The following PCED1B variants were observed in gnomAD, a reference collection of about 807,000 sequenced individuals.
PCED1B encodes PC-esterase domain-containing protein 1B.
For missense variants in PCED1B, 573 were observed against 573.9 expected (o/e 1.00, Z 0.02); for synonymous variants, 251 against 246.1 (o/e 1.02, Z -0.19).
intron 2 of PCED1B, among the ~76,000 whole-genome samples, chr12:47,172,135 T>G (rs1323281176): frequency 6.6e-6 from 1 of 152,146 alleles, no homozygotes; most frequent in East Asian, 1.9e-4. Flanking sequence ...TGCTCTTATG[T>G]TTTTCTGATA....
intron 2 of PCED1B, among the ~76,000 whole-genome samples, chr12:47,185,672 C>T (rs762486769): frequency 6.6e-6 from 1 of 151,616 alleles, no homozygotes; most frequent in Non-Finnish European, 1.5e-5. Context: ...ACCTGTAATC[C>T]CAACTATGCA....
At chr12:47,161,228 T>C (rs1051817173) in intron 2 of PCED1B, among the ~76,000 whole-genome samples, 1 of 152,212 alleles carries the variant, frequency 6.6e-6, no homozygotes. Context: ...TTTAGTTAAT[T>C]TTTATATATG....
intron 2 of PCED1B, among the ~76,000 whole-genome samples, chr12:47,105,380 C>T (rs1053859255): frequency 8.6e-5 from 13 of 151,902 alleles, no homozygotes; most frequent in Non-Finnish European, 1.2e-4. Flanking sequence ...CAGACCAGTG[C>T]GGAAAGAAAG....
At chr12:47,149,355 C>G (rs916615671) in intron 2 of PCED1B, among the ~76,000 whole-genome samples, 14 of 152,228 alleles carry the variant, frequency 9.2e-5, no homozygotes, top group Admixed American at 1.3e-4. Context: ...TCCATTCTCT[C>G]TCCCTTCGTC....
At chr12:47,103,368 A>G (rs1294717742) in intron 1 of PCED1B, among the ~76,000 whole-genome samples, 1 of 152,216 alleles carries the variant, frequency 6.6e-6, no homozygotes, top group African/African-American at 2.4e-5. Context: ...CCCTGTGCTC[A>G]TTAAATGTTA....
At chr12:47,128,872 A>G (rs1940004244) in intron 2 of PCED1B, among the ~76,000 whole-genome samples, 1 of 152,230 alleles carries the variant, frequency 6.6e-6, no homozygotes, top group Non-Finnish European at 1.5e-5. Context: ...ACAGAAAACA[A>G]CAGGGAATGC....
chr12:47,153,667 C>T (rs533176917), intron 2 of PCED1B, among the ~76,000 whole-genome samples: 88 of 152,242 alleles, frequency 5.8e-4, no homozygotes, highest in Non-Finnish European at 9.3e-4. Context: ...AACTTTGAAC[C>T]TTTGCATTGC....
chr12:47,110,838 A>C (rs1036066739), intron 2 of PCED1B, among the ~76,000 whole-genome samples: 2 of 152,204 alleles, frequency 1.3e-5, no homozygotes, highest in Admixed American at 1.3e-4. Context: ...ACAAACACAC[A>C]CAAAGCTTGG....
intron 2 of PCED1B, among the ~76,000 whole-genome samples, chr12:47,190,277 T>G (rs905458472): frequency 6.6e-6 from 1 of 152,210 alleles, no homozygotes; most frequent in African/African-American, 2.4e-5. Flanking sequence ...TGGGAGCAAG[T>G]GAAAGCCTGC....
intron 2 of PCED1B, chr12:47,209,825 A>G (rs1428049147): frequency 6.6e-6 from 1 of 152,244 alleles, no homozygotes; most frequent in African/African-American, 2.4e-5. Flanking sequence ...GTAAAATTAT[A>G]AGATCTGAGT....
intron 1 of PCED1B, among the ~76,000 whole-genome samples, chr12:47,083,129 G>C (rs186262260): frequency 1.3e-5 from 2 of 151,524 alleles, no homozygotes; most frequent in Admixed American, 1.3e-4. Flanking sequence ...AATTTCTCAG[G>C]TTGTAATCAA....
intron 2 of PCED1B, among the ~76,000 whole-genome samples, chr12:47,215,085 A>G (rs971017558): frequency 5.3e-5 from 8 of 151,756 alleles, no homozygotes; most frequent in African/African-American, 1.9e-4. Flanking sequence ...GACCTTCTGT[A>G]GTCATGCATT....
At chr12:47,120,128 A>G (rs534780858) in intron 2 of PCED1B, among the ~76,000 whole-genome samples, 5 of 152,336 alleles carry the variant, frequency 3.3e-5, no homozygotes, top group African/African-American at 1.2e-4. Flanking sequence ...AATGAAAGCT[A>G]CAATGAGATA....
At chr12:47,083,323 A>G (rs1453677056) in intron 1 of PCED1B, among the ~76,000 whole-genome samples, 3 of 151,952 alleles carry the variant, frequency 2.0e-5, no homozygotes, top group African/African-American at 7.3e-5. Flanking sequence ...ACACTGGCAG[A>G]TATCTTGTTG....
At position 47,192,173 on chromosome 12, in the gene PCED1B, G is replaced by GA. The variant is rs1942463792; in HGVS notation, c.-525-24049_-525-24048insA. Reference sequence around the variant, plus strand: ...AATGGAGGCTACGCTTTTTTTTTTTGTTTTTTTTTTTTTGCCTCTTTCCAT... The same window carrying GA: ...AATGGAGGCTACGCTTTTTTTTTTTGATTTTTTTTTTTTTGCCTCTTTCCAT... On this transcript the variant is annotated intron_variant, in intron 2 of 3. Coordinates refer to ENST00000546455, the MANE Select transcript of PCED1B (RefSeq NM_138371.3). 9.6e-5 allele frequency among the ~76,000 whole-genome samples: 12 copies of GA among 124,948 alleles called. 1 individual carries two copies. The highest frequency in any genetic ancestry group is 5.6e-4 in the Admixed American group (7 of 12,490). The allele number at this position is 124,948 out of a possible 152,430, so 82.0% of individuals were successfully genotyped here. A position where few individuals can be genotyped will look rare whatever the true frequency, so the allele number is the denominator to read the frequency against.
chr12:47,184,067 G>T (rs895884670), intron 2 of PCED1B, among the ~76,000 whole-genome samples: 2 of 152,120 alleles, frequency 1.3e-5, no homozygotes, highest in Admixed American at 1.3e-4. Context: ...TGTAGAGAAA[G>T]GGTCTCCCTA....
At chr12:47,128,700 T>C (rs75916772) in intron 2 of PCED1B, among the ~76,000 whole-genome samples, 4,541 of 152,312 alleles carry the variant, frequency 0.03, 181 homozygotes, top group African/African-American at 0.087. Context: ...AGGATGCAGG[T>C]GTGGTAACTG....
At chr12:47,161,473 T>C (rs1409248224) in intron 2 of PCED1B, among the ~76,000 whole-genome samples, 1 of 152,218 alleles carries the variant, frequency 6.6e-6, no homozygotes, top group East Asian at 1.9e-4. Context: ...TTGATTACTA[T>C]AACTGTATAG....
chr12:47,128,627 C>G (rs1172902666), intron 2 of PCED1B, among the ~76,000 whole-genome samples: 1 of 152,138 alleles, frequency 6.6e-6, no homozygotes, highest in African/African-American at 2.4e-5. Context: ...AAAAAAATGT[C>G]TGAAGTTGAT....
Sources: gnomAD v4.1 joint callset for allele counts (sites outside exome capture counted in the v4.1 genomes callset) on GRCh38, gnomAD v4.1.1 for gene constraint, MANE v1.5 for transcripts, NCBI Gene and HGNC (gene_info 2026-07-23, HGNC 2026-07-21) for gene names.